Variants in ANK2 observed in about 807,000 individuals in gnomAD.
ANK2 encodes the protein ankyrin 2, also known as ankyrin-2.
A neutral mutation model predicts 360.5 loss-of-function variants in ANK2; 83 were observed. The ratio of observed to expected loss-of-function variants is 0.23; its 90% CI spans 0.19 to 0.28. ANK2 has a LOEUF of 0.28. Ranked by LOEUF, ANK2 falls within the 10% of genes least tolerant of loss-of-function variation. The pLI is 1.00. For synonymous variants in ANK2, 1,740 were observed against 1,759.5 expected, an observed-to-expected ratio of 0.99 and a Z score of 0.28; for missense variants, 4,201 against 4,795.7, an observed-to-expected ratio of 0.88 and a Z score of 3.66.
chr4:112,992,814 T>C (rs922477192), intron 2 of ANK2, among the ~76,000 whole-genome samples: 2 of 152,184 alleles, frequency 1.3e-5, no homozygotes, highest in African/African-American at 4.8e-5. Flanking sequence ...ATATACATTT[T>C]GGGAGAAAAC....
chr4:112,771,337 C>T, the ANK2 span, among the ~76,000 whole-genome samples: 6 of 146,584 alleles, frequency 4.1e-5, no homozygotes, highest in African/African-American at 7.3e-5. Context: ...AGGCTGGTCT[C>T]GAACCCCCGA....
chr4:113,313,926 T>C (rs1292725042), intron 24 of ANK2, among the ~76,000 whole-genome samples: 17 of 152,254 alleles, frequency 1.1e-4, no homozygotes, highest in Non-Finnish European at 2.4e-4. Flanking sequence ...ATTATTAAAA[T>C]GTAAATCTGT....
the ANK2 span, among the ~76,000 whole-genome samples, chr4:112,775,040 G>C: frequency 6.6e-6 from 1 of 152,178 alleles, no homozygotes; most frequent in African/African-American, 2.4e-5. Context: ...GTTTTGTACA[G>C]CAGGAGTGTG....
chr4:113,004,110 T>C (rs2051846645), intron 2 of ANK2, among the ~76,000 whole-genome samples: 1 of 152,228 alleles, frequency 6.6e-6, no homozygotes, highest in Admixed American at 6.5e-5. Context: ...TAGAACATTA[T>C]TGTACACTAA....
intron 1 of ANK2, among the ~76,000 whole-genome samples, chr4:113,137,914 G>A (rs1013282614): frequency 1.3e-5 from 2 of 152,130 alleles, no homozygotes; most frequent in African/African-American, 2.4e-5. Flanking sequence ...CATAATTTTC[G>A]AAGAATGAAA....
intron 2 of ANK2, among the ~76,000 whole-genome samples, chr4:112,947,565 G>T (rs1027772940): frequency 2.6e-5 from 4 of 152,038 alleles, no homozygotes; most frequent in Non-Finnish European, 5.9e-5. Flanking sequence ...AAATAAGTGG[G>T]TGCAGTTTCT....
chr4:113,348,338 G>A (rs766170847), intron 36 of ANK2, 30 bp downstream of exon 36: 77 of 1,608,914 alleles, frequency 4.8e-5, no homozygotes, highest in Non-Finnish European at 6.0e-5. Flanking sequence ...ACTTGTTATC[G>A]GCTGTGTCAT....
chr4:112,769,317 C>A, the ANK2 span, among the ~76,000 whole-genome samples: 1 of 152,204 alleles, frequency 6.6e-6, no homozygotes, highest in Non-Finnish European at 1.5e-5. Flanking sequence ...CAGTGTCACA[C>A]TGGCCAAAAC....
intron 2 of ANK2, among the ~76,000 whole-genome samples, chr4:112,920,076 A>T (rs913920408): frequency 6.6e-6 from 1 of 152,158 alleles, no homozygotes; most frequent in African/African-American, 2.4e-5. Context: ...TTGTAGGAGT[A>T]AAAGTTCCTC....
chr4:112,814,899 G>T (rs1046953671), upstream of ANK2, among the ~76,000 whole-genome samples: 3 of 152,154 alleles, frequency 2.0e-5, no homozygotes, highest in Non-Finnish European at 2.9e-5. Context: ...AGTGGCAAAA[G>T]ATCACTGTAT....
intron 24 of ANK2, among the ~76,000 whole-genome samples, chr4:113,314,428 C>T (rs899127695): frequency 8.6e-5 from 13 of 152,000 alleles, no homozygotes; most frequent in African/African-American, 2.9e-4. Context: ...GCAGTTGTAC[C>T]GTAGTAAAAT....
chr4:113,041,877 C>T (rs897300617), intron 2 of ANK2, among the ~76,000 whole-genome samples: 5 of 152,080 alleles, frequency 3.3e-5, no homozygotes, highest in South Asian at 4.2e-4. Context: ...AGCTGAGAGA[C>T]AAATAATCTT....
intron 2 of ANK2, among the ~76,000 whole-genome samples, chr4:113,038,783 C>T (rs1438072853): frequency 6.6e-6 from 1 of 151,930 alleles, no homozygotes; most frequent in African/African-American, 2.4e-5. Context: ...CAGTGAAAAC[C>T]CAAGCCATGT....
chr4:113,311,521 G>A (rs2079941849), intron 24 of ANK2, 122 bp downstream of exon 24: 1 of 1,266,480 alleles, frequency 7.9e-7, no homozygotes, highest in South Asian at 1.3e-5. Flanking sequence ...AATCTCAGCA[G>A]TTAGCATGTT....
the ANK2 span, among the ~76,000 whole-genome samples, chr4:112,812,101 C>A: frequency 9.8e-5 from 14 of 142,442 alleles, 1 homozygote; most frequent in African/African-American, 3.6e-4. Flanking sequence ...AAAAAAAGAG[C>A]TATGTGTTAC....
chr4:112,946,945 G>A (rs1356188481), intron 2 of ANK2, among the ~76,000 whole-genome samples: 3 of 152,178 alleles, frequency 2.0e-5, no homozygotes, highest in Non-Finnish European at 4.4e-5. Flanking sequence ...AAGAATAACA[G>A]CTTTTCTTAA....
chr4:113,162,402 A>C (rs1232444764), intron 1 of ANK2, among the ~76,000 whole-genome samples: 2 of 152,102 alleles, frequency 1.3e-5, no homozygotes, highest in African/African-American at 2.4e-5. Context: ...TCTGGGCCCT[A>C]CTTTACTTTT....
rs149280997 is a variant in ANK2 at position 113,026,634 on chromosome 4, A to G, written c.21+122120A>G. Among the ~76,000 whole-genome samples the G allele has an allele frequency of 6.4e-3, 978 of 152,306 alleles. 10 individuals are homozygous for G. The highest frequency in any genetic ancestry group is 0.021 in the African/African-American group (867 of 41,580). The stretch of plus-strand genomic sequence containing the variant: ...AATTCTGAGGACAACTATTTATAAG[A>G]AAAGGCTCAAATGCTGAACTGTGGA... On this transcript the variant is annotated intron_variant, in intron 2 of 30. Coordinates refer to the ANK2 transcript ENST00000503271.
Position 113,017,337 on chromosome 4 carries a change from A to T in ANK2, c.21+112823A>T, listed in dbSNP as rs1464649729. Among the ~76,000 whole-genome samples the T allele has an allele frequency of 3.9e-5, 6 of 152,116 alleles. No individual in the cohort carries two copies. The South Asian group carries it at 1.0e-3, about 26-fold the overall frequency. On this transcript the variant is annotated intron_variant, in intron 2 of 30. Transcript: ENST00000503271. ...ATCTATTTTGTGAACATTATGGTTG[A>T]TGATATAAGCTCTACAGAATTTTTT...
Sources: gnomAD v4.1 joint callset for allele counts (sites outside exome capture counted in the v4.1 genomes callset) on GRCh38, gnomAD v4.1.1 for gene constraint, MANE v1.5 for transcripts, NCBI Gene and HGNC (gene_info 2026-07-23, HGNC 2026-07-21) for gene names.